ECHDC1: variants seen among roughly 807,000 people sequenced by gnomAD.
ECHDC1 encodes the protein ethylmalonyl-CoA decarboxylase 1.
ECHDC1 carries 29 observed loss-of-function variants against 29.7 expected under a neutral mutation model. The ratio of observed to expected loss-of-function variants is 0.98; its 90% CI spans 0.73 to 1.33. The LOEUF is 1.33. Among genes scored for constraint, ECHDC1 ranks in the 40% most tolerant of loss-of-function variants. The pLI is 0.00. For synonymous variants in ECHDC1, 126 were observed against 123.1 expected (o/e 1.02, Z -0.15); for missense variants, 328 against 350.0 (o/e 0.94, Z 0.50).
intron 4 of ECHDC1, chr6:127,316,219 G>A: frequency 4.2e-6 from 2 of 471,310 alleles, no homozygotes; most frequent in Non-Finnish European, 3.9e-6. Flanking sequence ...TAGGGGATAT[G>A]TCTTAAATTT....
At position 127,289,511 on chromosome 6, in the gene ECHDC1, A is replaced by AAAAC. The variant is rs1434388369; in HGVS notation, c.*354_*357dup. The AAAAC allele has an allele frequency of 3.5e-5, 6 of 171,946 alleles. No homozygotes were observed. The highest frequency in any genetic ancestry group is 1.2e-4 in the African/African-American group (5 of 42,164). The allele number at this position is 171,946 out of a possible 1,614,324, so 10.7% of individuals were successfully genotyped here. A position where few individuals can be genotyped will look rare whatever the true frequency, so the allele number is the denominator to read the frequency against. On this transcript the variant is annotated 3_prime_UTR_variant, in exon 6 of 6. Transcript: ENST00000454859. ...TTATTTTGGTAAATTATTTCCAGGT[A>AAAAC]AAACAGAACAAAAATTGTATGAAAA... is the stretch of plus-strand genomic sequence containing the variant.
intron 2 of ECHDC1, among the ~76,000 whole-genome samples, chr6:127,329,162 A>C (rs1245154829): frequency 6.6e-6 from 1 of 152,142 alleles, no homozygotes; most frequent in Non-Finnish European, 1.5e-5. Flanking sequence ...CATGAGAATA[A>C]GAAAAATCCA....
chr6:127,307,706 G>GT lies in ECHDC1; in HGVS notation c.497+7109dup, dbSNP rs1047776633. On this transcript the variant is annotated intron_variant, in intron 5 of 5. Transcript: ENST00000454859. Reference sequence around the variant, plus strand: ...CAAAAGAGCAATGAAACAAAAAGTTGTTTTTTTTGAAAAGTTAAACAAAAT... The same window carrying GT: ...CAAAAGAGCAATGAAACAAAAAGTTGTTTTTTTTTGAAAAGTTAAACAAAAT... Among the ~76,000 whole-genome samples, 17 of 112,586 alleles carry GT rather than the reference G, an allele frequency of 1.5e-4. No individual in the cohort carries two copies. In the East Asian group the frequency reaches 2.4e-3, roughly 16 times the overall value. 73.9% of individuals were successfully genotyped at this position (112,586 alleles called of 152,430 possible).
intron 5 of ECHDC1, among the ~76,000 whole-genome samples, chr6:127,306,161 T>G (rs1031300931): frequency 1.3e-5 from 2 of 152,122 alleles, no homozygotes; most frequent in Non-Finnish European, 2.9e-5. Flanking sequence ...TCTATATTTA[T>G]TTCAGACAAA....
chr6:127,321,280 AACAG>A (rs1455265610), intron 3 of ECHDC1, among the ~76,000 whole-genome samples: 1 of 152,218 alleles, frequency 6.6e-6, no homozygotes, highest in African/African-American at 2.4e-5. Flanking sequence ...GAGCCTCACT[AACAG>A]ACAAACTGTT....
At chr6:127,319,389 C>CA (rs761454518) in intron 3 of ECHDC1, among the ~76,000 whole-genome samples, 16 of 152,124 alleles carry the variant, frequency 1.1e-4, no homozygotes, top group Non-Finnish European at 1.8e-4. Flanking sequence ...CAGTGTCTGA[C>CA]ATACAGTAAG....
intron 3 of ECHDC1, among the ~76,000 whole-genome samples, chr6:127,323,466 A>C (rs1783019811): frequency 6.6e-6 from 1 of 152,170 alleles, no homozygotes; most frequent in African/African-American, 2.4e-5. Context: ...AAATAAAAAT[A>C]ATAGCTACCT....
intron 2 of ECHDC1, among the ~76,000 whole-genome samples, chr6:127,328,161 T>C (rs1783536110): frequency 6.6e-6 from 1 of 152,228 alleles, no homozygotes; most frequent in African/African-American, 2.4e-5. Context: ...CCACAGTAAA[T>C]GTTATGTTAA....
intron 5 of ECHDC1, among the ~76,000 whole-genome samples, chr6:127,300,800 G>C (rs561500012): frequency 6.6e-6 from 1 of 152,302 alleles, no homozygotes; most frequent in South Asian, 2.1e-4. Context: ...ACAAGGTTTA[G>C]AAAAACCAGC....
intron 5 of ECHDC1, among the ~76,000 whole-genome samples, chr6:127,303,629 G>C (rs975665036): frequency 6.6e-6 from 1 of 152,210 alleles, no homozygotes; most frequent in South Asian, 2.1e-4. Context: ...ATAATATAAA[G>C]GTGCAAACTG....
intron 1 of ECHDC1, among the ~76,000 whole-genome samples, chr6:127,335,909 C>A (rs768990130): frequency 6.6e-6 from 1 of 152,036 alleles, no homozygotes; most frequent in African/African-American, 2.4e-5. Flanking sequence ...CATCCCATCA[C>A]CTGTTCTGTC....
chr6:127,315,285 T>G (rs1388814846), intron 4 of ECHDC1: 1 of 367,048 alleles, frequency 2.7e-6, no homozygotes, highest in Non-Finnish European at 5.3e-6. Flanking sequence ...TGTCCATTTT[T>G]GTTGGTATCA....
intron 1 of ECHDC1, among the ~76,000 whole-genome samples, chr6:127,333,665 TTACACA>T (rs1462512184): frequency 3.7e-5 from 3 of 81,646 alleles, no homozygotes; most frequent in African/African-American, 1.3e-4. Context: ...TCTCTTTCTC[TTACACA>T]CACACACACA....
intron 1 of ECHDC1, chr6:127,342,392 C>T: frequency 6.5e-7 from 1 of 1,546,890 alleles, no homozygotes; most frequent in Non-Finnish European, 8.7e-7. Flanking sequence ...AGGCTGGCTT[C>T]CCTTCCTGGA....
At chr6:127,331,972 C>T (rs917994359) in intron 1 of ECHDC1, 1 of 655,828 alleles carries the variant, frequency 1.5e-6, no homozygotes, top group East Asian at 1.4e-4. Flanking sequence ...GTAATCTCAT[C>T]TCTGCCCATA....
chr6:127,328,541 T>A (rs1783575673), intron 2 of ECHDC1, among the ~76,000 whole-genome samples: 1 of 152,146 alleles, frequency 6.6e-6, no homozygotes, highest in Non-Finnish European at 1.5e-5. Flanking sequence ...TGCATCCCCA[T>A]CACAAAGCAA....
At chr6:127,330,692 G>T in intron 2 of ECHDC1, 117 bp downstream of exon 2, 5 of 768,388 alleles carry the variant, frequency 6.5e-6, no homozygotes, top group East Asian at 5.4e-5. Flanking sequence ...TTTTTCTCAT[G>T]TTCTACCAAG....
At chr6:127,342,687 G>T (rs1785060800) in intron 1 of ECHDC1, 1 of 310,960 alleles carries the variant, frequency 3.2e-6, no homozygotes, top group Admixed American at 4.8e-5. Context: ...ACAGAGCAAA[G>T]AACTGAGTGT....
chr6:127,322,904 T>A (rs1782956375), intron 3 of ECHDC1, among the ~76,000 whole-genome samples: 1 of 152,094 alleles, frequency 6.6e-6, no homozygotes, highest in South Asian at 2.1e-4. Context: ...TGAACAGTGA[T>A]ACAACCATTT....
Sources: gnomAD v4.1 joint callset for allele counts (sites outside exome capture counted in the v4.1 genomes callset) on GRCh38, gnomAD v4.1.1 for gene constraint, MANE v1.5 for transcripts, NCBI Gene and HGNC (gene_info 2026-07-23, HGNC 2026-07-21) for gene names.